Variants in PPP4R3B observed in about 807,000 individuals in gnomAD.
PPP4R3B encodes the protein protein phosphatase 4 regulatory subunit 3B.
Under a neutral mutation model 95.4 loss-of-function variants are expected in PPP4R3B, and 52 were observed. The observed-to-expected ratio is 0.54, with a 90% confidence interval of 0.44 to 0.69. The LOEUF (loss-of-function observed/expected upper bound fraction) is 0.69, where lower values mean the gene tolerates loss of function less well. PPP4R3B is among the 30% of genes least tolerant of loss of function. The pLI is 0.00. For synonymous variants in PPP4R3B, 407 were observed against 343.9 expected, an observed-to-expected ratio of 1.18 and a Z score of -2.03; for missense variants, 1,003 against 1,005.9, an observed-to-expected ratio of 1.00 and a Z score of 0.04.
At chr2:55,602,521 T>C (rs1424964594) in intron 3 of PPP4R3B, among the ~76,000 whole-genome samples, 1 of 152,210 alleles carries the variant, frequency 6.6e-6, no homozygotes, top group East Asian at 1.9e-4. Flanking sequence ...CCACAAGATA[T>C]TCTTGACCTC....
chr2:55,551,638 C>G (rs1340353661), intron 16 of PPP4R3B, among the ~76,000 whole-genome samples: 9 of 152,026 alleles, frequency 5.9e-5, no homozygotes, highest in Non-Finnish European at 1.0e-4. Flanking sequence ...GTAATCCCAG[C>G]TGCTTCAGAG....
At chr2:55,559,823 TAA>T (rs1686361731) in intron 15 of PPP4R3B, among the ~76,000 whole-genome samples, 1 of 152,166 alleles carries the variant, frequency 6.6e-6, no homozygotes, top group Non-Finnish European at 1.5e-5. Flanking sequence ...GGTACTGCTA[TAA>T]AGATACCTGA....
chr2:55,564,588 T>A (rs566728770), intron 14 of PPP4R3B, 91 bp from the exon 15 acceptor site: 659 of 1,146,252 alleles, frequency 5.7e-4, no homozygotes, highest in Non-Finnish European at 7.6e-4. Flanking sequence ...CAAGATGAAC[T>A]GAAGTAATTT....
chr2:55,559,778 A>G (rs967061043), intron 15 of PPP4R3B, among the ~76,000 whole-genome samples: 1 of 152,210 alleles, frequency 6.6e-6, no homozygotes, highest in Non-Finnish European at 1.5e-5. Context: ...AGCAGTGTGA[A>G]AACGAACTAT....
Position 55,569,523 on chromosome 2 carries a change from GA to G in PPP4R3B, c.1766-1161del, listed in dbSNP as rs1687723945. Among the ~76,000 whole-genome samples, 3 of 152,194 alleles carry G rather than the reference GA, an allele frequency of 2.0e-5. No homozygotes were observed. In the East Asian group the frequency reaches 5.8e-4, roughly 29 times the overall value. ...TTCTAGAAAGCAGTAGCAAATTAGT[GA>G]AAGTACTAAAAGTCTATGATAAGCA... On this transcript the variant is annotated intron_variant, in intron 12 of 16. Coordinates refer to ENST00000616407, the MANE Select transcript of PPP4R3B (RefSeq NM_001122964.3).
Position 55,548,374 on chromosome 2 carries a change from A to G in PPP4R3B, c.*1537T>C, listed in dbSNP as rs902767317. 26 of 152,756 alleles carry G rather than the reference A, an allele frequency of 1.7e-4. No individual in the cohort carries two copies. The highest frequency in any genetic ancestry group is 6.3e-4 in the African/African-American group (26 of 41,570). The allele number at this position is 152,756 out of a possible 1,614,324, so 9.5% of individuals were successfully genotyped here. On this transcript the variant is annotated 3_prime_UTR_variant, in exon 17 of 17. Coordinates refer to ENST00000616407, the MANE Select transcript of PPP4R3B (RefSeq NM_001122964.3). ...TACAACAAACCAAACACAAACATCA[A>G]TTATGGAATTACAGGGTCACATTTT...
intron 11 of PPP4R3B, among the ~76,000 whole-genome samples, 192 bp from the exon 12 acceptor site, chr2:55,573,969 G>A (rs574444313): frequency 7.0e-6 from 1 of 141,854 alleles, no homozygotes; most frequent in South Asian, 2.2e-4. Flanking sequence ...GCACATTGCA[G>A]CTTCCACCTC....
Position 55,573,714 on chromosome 2 carries a change from T to C in PPP4R3B, c.1670A>G (p.His557Arg), listed in dbSNP as rs887868821. 3.2e-6 allele frequency: 5 copies of C among 1,544,836 alleles called. No homozygotes were observed. The highest frequency in any genetic ancestry group is 4.4e-6 in the Non-Finnish European group (5 of 1,144,884). The change falls in exon 12 of 17, where the codon CAT becomes CGT. Residue 557 changes from histidine (H) to arginine (R), a missense_variant. This residue lies in a region of PPP4R3B where 695 missense variants were observed against 686.2 expected (regional missense o/e 1.01). Coordinates refer to ENST00000616407, the MANE Select transcript of PPP4R3B (RefSeq NM_001122964.3). ...ATAGTTTTTTATGTGATATGTGTGA[T>C]GTTCCACACAAAATGTGAGTAACTC... is the stretch of plus-strand genomic sequence containing the variant. The part of the protein sequence containing the change: ...ILELLTFCVE[H>R]HTYHIKNYIM...
At position 55,564,457 on chromosome 2, in the gene PPP4R3B, C is replaced by T. The variant is rs374171261; in HGVS notation, c.2116G>A (p.Ala706Thr). 1 of 1,612,582 alleles carries T rather than the reference C, an allele frequency of 6.2e-7. No individual in the cohort carries two copies. The highest frequency in any genetic ancestry group is 8.5e-7 in the Non-Finnish European group (1 of 1,179,480). Residue 706 changes from alanine to threonine, a missense_variant, in exon 15 of 17, where the codon GCA becomes ACA. Transcript: ENST00000616407. ...TCTTCATCCTCTTCCAAGGCTTTTGCATCTCTGCGAAATCTGTTACTACGC... is the reference window on the plus strand; with the variant it reads ...TCTTCATCCTCTTCCAAGGCTTTTGTATCTCTGCGAAATCTGTTACTACGC... ...ILRSNRFRRD[A>T]KALEEDEEMW...
At chr2:55,574,096 T>C (rs1688347906) in intron 11 of PPP4R3B, among the ~76,000 whole-genome samples, 1 of 151,724 alleles carries the variant, frequency 6.6e-6, no homozygotes, top group South Asian at 2.1e-4. Context: ...CCTCACTATG[T>C]TGTCTGGACT....
intron 13 of PPP4R3B, among the ~76,000 whole-genome samples, chr2:55,566,353 C>A (rs1370296224): frequency 6.6e-6 from 1 of 152,146 alleles, no homozygotes; most frequent in South Asian, 2.1e-4. Flanking sequence ...CTTATTTTCA[C>A]AAAAACAATT....
rs554932040 is a variant in PPP4R3B at position 55,596,261 on chromosome 2, A to C, written c.921+2155T>G. Among the ~76,000 whole-genome samples, 21 of 152,368 alleles carry C rather than the reference A, an allele frequency of 1.4e-4. No homozygotes were observed. The East Asian group carries it at 3.9e-3, about 28-fold the overall frequency. ...GAAGCAAATCTGACTTTCAAGGTGA[A>C]AATAAAATATAAAAACTGTTCTTGG... On this transcript the variant is annotated intron_variant, in intron 4 of 16. Coordinates refer to ENST00000616407, the MANE Select transcript of PPP4R3B (RefSeq NM_001122964.3).
chr2:55,566,678 C>G (rs1687334396), intron 13 of PPP4R3B, among the ~76,000 whole-genome samples: 1 of 152,140 alleles, frequency 6.6e-6, no homozygotes, highest in Non-Finnish European at 1.5e-5. Flanking sequence ...AGAAATAAAA[C>G]TAGATAATGA....
At chr2:55,592,095 T>C (rs1297264723) in intron 4 of PPP4R3B, among the ~76,000 whole-genome samples, 1 of 152,208 alleles carries the variant, frequency 6.6e-6, no homozygotes. Context: ...AACTCTTCTC[T>C]TTGCAGTAAT....
intron 3 of PPP4R3B, among the ~76,000 whole-genome samples, chr2:55,601,498 A>T (rs942863627): frequency 2.0e-5 from 3 of 151,508 alleles, no homozygotes; most frequent in African/African-American, 7.3e-5. Flanking sequence ...CTCCTGCCTC[A>T]GCCTCCCAAG....
intron 2 of PPP4R3B, among the ~76,000 whole-genome samples, chr2:55,607,313 G>C (rs1278248148): frequency 6.6e-6 from 1 of 152,120 alleles, no homozygotes; most frequent in East Asian, 1.9e-4. Flanking sequence ...TACCACAGTT[G>C]AGGGCTCAGC....
rs1205704617 is a variant in PPP4R3B, at chr2:55,607,180, C to T, written c.199-3104G>A. On this transcript the variant is annotated intron_variant, in intron 2 of 16. Transcript: ENST00000616407. ...CTATCACAACACAAATCACTGCTGT[C>T]ACCTTCATCACCAAGAAGTGTGAGG... Among the ~76,000 whole-genome samples, 6 of 152,342 alleles carry T rather than the reference C, an allele frequency of 3.9e-5. 1 individual carries two copies. The highest frequency in any genetic ancestry group is 6.5e-5 in the Admixed American group (1 of 15,304).
chr2:55,600,426 CAAAAAAAAAAAAAAAAA>C (rs60764774), intron 3 of PPP4R3B, among the ~76,000 whole-genome samples: 3 of 22,170 alleles, frequency 1.4e-4, no homozygotes, highest in African/African-American at 1.6e-4. Flanking sequence ...AACTCTGTCT[CAAAAAAAAAAAAAAAAA>C]AAAAAAAAAA....
intron 4 of PPP4R3B, among the ~76,000 whole-genome samples, chr2:55,594,279 C>T (rs1412868429): frequency 6.8e-6 from 1 of 147,590 alleles, no homozygotes; most frequent in Non-Finnish European, 1.5e-5. Flanking sequence ...ACAAATAAGC[C>T]TATGTGCCCT....
Sources: allele counts gnomAD v4.1 joint callset (sites outside exome capture counted in the v4.1 genomes callset), GRCh38; gene constraint gnomAD v4.1.1; regional missense constraint gnomAD v4.1.1; transcripts MANE v1.5; gene names NCBI Gene and HGNC (gene_info 2026-07-23, HGNC 2026-07-21).